The following SBF2 variants were observed in gnomAD, a reference collection of about 807,000 sequenced individuals.
The protein encoded by SBF2 is myotubularin-related protein 13.
SBF2 carries 112 observed loss-of-function variants against 225.2 expected under a neutral mutation model. The observed-to-expected ratio is 0.50, with a 90% CI of 0.43 to 0.58. The LOEUF is 0.58. Ranked by LOEUF, SBF2 falls within the 20% of genes least tolerant of loss-of-function variation. The pLI is 0.00. For missense variants in SBF2, 1,996 were observed against 2,206.2 expected (o/e 0.90, Z 1.91); for synonymous variants, 763 against 773.3 (o/e 0.99, Z 0.22).
In SBF2 at chr11:9,853,717, G is replaced by A; in HGVS notation, c.2364-5C>T. The A allele has an allele frequency of 6.2e-7, 1 of 1,613,440 alleles. No individual in the cohort carries two copies. ...TCAGCTACACTTCCTGCAATACTAA[G>A]ACAGTCAAGGAAAGAAATCATGGTC... On this transcript the variant is annotated splice_polypyrimidine_tract_variant and splice_region_variant and intron_variant, in intron 19 of 39. Transcript: ENST00000256190.
chr11:10,118,651 C>T lies in SBF2; in HGVS notation c.141+75251G>A, dbSNP rs539420020. Among the ~76,000 whole-genome samples the T allele has an allele frequency of 2.2e-4, 33 of 152,114 alleles. No homozygotes were observed. The South Asian group carries it at 5.4e-3, about 25-fold the overall frequency. On this transcript the variant is annotated intron_variant, in intron 2 of 39. Transcript: ENST00000256190. ...AATCAGATGTAAAAATTGCTACCAT[C>T]CATTTTCCATCTCCAATTTTAGAAG...
rs935112525 is a variant in SBF2 at position 9,779,083 on chromosome 11, T to C, written c.*1335A>G. On this transcript the variant is annotated 3_prime_UTR_variant, in exon 40 of 40. Coordinates refer to ENST00000256190, the MANE Select transcript of SBF2 (RefSeq NM_030962.4). ...TCTTATATATTAACACAGTTCTATT[T>C]CCTAGTGTGTGGACAATTTTAAATT... 6.6e-6 allele frequency: 1 copy of C among 152,648 alleles called. No individual in the cohort carries two copies. The highest frequency in any genetic ancestry group is 1.5e-5 in the Non-Finnish European group (1 of 68,036). The allele number at this position is 152,648 out of a possible 1,614,324, so 9.5% of individuals were successfully genotyped here.
intron 6 of SBF2, among the ~76,000 whole-genome samples, chr11:10,007,498 C>T (rs1948246968): frequency 6.6e-6 from 1 of 152,176 alleles, no homozygotes; most frequent in South Asian, 2.1e-4. Flanking sequence ...ATTTACTTTG[C>T]CGCCAGCAGG....
Position 9,790,216 on chromosome 11 carries a change from T to A in SBF2, c.4698+340A>T, listed in dbSNP as rs574844202. Among the ~76,000 whole-genome samples the A allele has an allele frequency of 2.6e-5, 4 of 152,362 alleles. No individual in the cohort carries two copies. The East Asian group carries it at 5.8e-4, about 22-fold the overall frequency. ...TACAGATGAACTTAAAGAAACCTTT[T>A]CTAAAGTATTTTAAGGTTTTTCAGC... On this transcript the variant is annotated intron_variant, in intron 34 of 39. Transcript: ENST00000256190.
chr11:10,014,528 AC>A (rs377090617), intron 6 of SBF2, among the ~76,000 whole-genome samples: 8,303 of 138,006 alleles, frequency 0.06, 267 homozygotes, highest in Non-Finnish European at 0.086. Context: ...AAAAAAAAAA[AC>A]GAAAATGGAG....
chr11:10,052,108 A>G (rs755196992), intron 2 of SBF2, among the ~76,000 whole-genome samples: 1 of 152,024 alleles, frequency 6.6e-6, no homozygotes, highest in Non-Finnish European at 1.5e-5. Context: ...TTATACAAAC[A>G]GGATAAAAAT....
At chr11:9,905,444 T>C (rs1171227015) in intron 16 of SBF2, among the ~76,000 whole-genome samples, 1 of 152,222 alleles carries the variant, frequency 6.6e-6, no homozygotes, top group East Asian at 1.9e-4. Context: ...TTCCTTTGAA[T>C]AACGATTTTC....
At chr11:9,925,328 T>C (rs150725061) in intron 16 of SBF2, among the ~76,000 whole-genome samples, 395 of 151,986 alleles carry the variant, frequency 2.6e-3, no homozygotes, top group African/African-American at 9.2e-3. Context: ...GCTCTTGGAG[T>C]GCAATGGTGC....
chr11:10,038,024 T>C (rs996781743), intron 3 of SBF2, among the ~76,000 whole-genome samples: 10 of 152,030 alleles, frequency 6.6e-5, no homozygotes, highest in African/African-American at 1.9e-4. Context: ...ACACATTCCA[T>C]TGATTTATAA....
chr11:9,789,831 A>G (rs890803169), intron 34 of SBF2, among the ~76,000 whole-genome samples: 2 of 152,228 alleles, frequency 1.3e-5, no homozygotes, highest in African/African-American at 2.4e-5. Flanking sequence ...ACTGACTTGG[A>G]GAAGTAGCCT....
rs1282060609 is a variant in SBF2 at position 10,300,809 on chromosome 11, CTCTTT to C, written n.386+3678_386+3682del. Among the ~76,000 whole-genome samples the C allele has an allele frequency of 2.1e-3, 305 of 144,194 alleles. 1 individual carries two copies. Among genetic ancestry groups the C allele is most frequent in the African/African-American group, 6.2e-3 (248 of 39,796 alleles). The allele number at this position is 144,194 out of a possible 152,430, so 94.6% of individuals were successfully genotyped here. A position where few individuals can be genotyped will look rare whatever the true frequency, so the allele number is the denominator to read the frequency against. On this transcript the variant is annotated intron_variant and non_coding_transcript_variant, in intron 1 of 5. Coordinates refer to the SBF2 transcript ENST00000685217. ...GTTTACTACTTTCTCTTCTCTCTCTCTCTTTTTTTTTTTTTTTCTTTGTAGGGATG... is the reference window on the plus strand; with the variant it reads ...GTTTACTACTTTCTCTTCTCTCTCTCTTTTTTTTTTTTCTTTGTAGGGATG...
At chr11:9,872,428 T>C (rs542454361) in intron 17 of SBF2, among the ~76,000 whole-genome samples, 1 of 152,080 alleles carries the variant, frequency 6.6e-6, no homozygotes, top group Non-Finnish European at 1.5e-5. Flanking sequence ...AACCTGCACA[T>C]CCTGCATGTA....
At chr11:10,053,325 G>A (rs1950127863) in intron 2 of SBF2, among the ~76,000 whole-genome samples, 3 of 152,104 alleles carry the variant, frequency 2.0e-5, no homozygotes, top group Non-Finnish European at 4.4e-5. Context: ...TCTAGAGCAT[G>A]CACAAGTTGA....
chr11:10,006,936 A>G (rs1364294167), intron 6 of SBF2, among the ~76,000 whole-genome samples: 1 of 152,216 alleles, frequency 6.6e-6, no homozygotes, highest in East Asian at 1.9e-4. Context: ...GTTGAGAGTC[A>G]CTGGAAGGTC....
intron 1 of SBF2, among the ~76,000 whole-genome samples, chr11:10,286,166 G>A (rs867802640): frequency 1.1e-4 from 16 of 147,232 alleles, no homozygotes; most frequent in South Asian, 6.5e-4. Flanking sequence ...ACACGCACAC[G>A]CACACACACA....
chr11:10,186,214 C>G (rs1206388944), intron 2 of SBF2, among the ~76,000 whole-genome samples: 2 of 152,198 alleles, frequency 1.3e-5, no homozygotes, highest in African/African-American at 4.8e-5. Context: ...ACCATGCCCT[C>G]TCTCAGGTGT....
chr11:10,139,508 T>C (rs997511181), intron 2 of SBF2, among the ~76,000 whole-genome samples: 1 of 152,210 alleles, frequency 6.6e-6, no homozygotes, highest in Non-Finnish European at 1.5e-5. Flanking sequence ...TACACTTTCC[T>C]TGTTCAAAGC....
chr11:9,862,177 A>C (rs1172714663), intron 17 of SBF2, among the ~76,000 whole-genome samples: 2 of 152,232 alleles, frequency 1.3e-5, no homozygotes, highest in Non-Finnish European at 2.9e-5. Flanking sequence ...TTAAAATATT[A>C]TTCTTTTTCT....
At chr11:10,195,116 A>G (rs1348245239) in intron 1 of SBF2, among the ~76,000 whole-genome samples, 1 of 152,174 alleles carries the variant, frequency 6.6e-6, no homozygotes, top group Non-Finnish European at 1.5e-5. Flanking sequence ...CATCAGCACT[A>G]CTGACATTTG....
Sources: gnomAD v4.1 joint callset for allele counts (sites outside exome capture counted in the v4.1 genomes callset) on GRCh38, gnomAD v4.1.1 for gene constraint, MANE v1.5 for transcripts, NCBI Gene and HGNC (gene_info 2026-07-23, HGNC 2026-07-21) for gene names.